The following DACH2 variants were observed in gnomAD, a reference collection of about 807,000 sequenced individuals.
DACH2 encodes the protein dachshund homolog 2.
A neutral mutation model predicts 35.8 loss-of-function variants in DACH2; 17 were observed. The ratio of observed to expected loss-of-function variants is 0.48; its 90% CI spans 0.33 to 0.71. The LOEUF is 0.71. Among genes scored for constraint, DACH2 ranks in the 30% least tolerant of loss-of-function variants. The probability of loss-of-function intolerance (pLI) is 0.02; values close to 1 mark genes in which losing one functional copy is unlikely to be tolerated. For synonymous variants in DACH2, 195 were observed against 177.3 expected (o/e 1.10, Z -0.79); for missense variants, 469 against 472.7 (o/e 0.99, Z 0.07).
At chrX:86,829,928 C>CTTT (rs1223820056) in intron 11 of DACH2, 1 of 111,435 alleles carries the variant, frequency 9.0e-6, no homozygotes, top group Non-Finnish European at 1.9e-5. Flanking sequence ...TCTTCCTGAT[C>CTTT]TTTAATCTTA....
At chrX:86,200,069 A>C in intron 1 of DACH2, among the ~76,000 whole-genome samples, 1 of 111,741 alleles carries the variant, frequency 8.9e-6, no homozygotes, top group Non-Finnish European at 1.9e-5. Context: ...AGTAACCAAA[A>C]CAGCATGGTA....
chrX:86,721,518 C>A (rs1331167323), intron 6 of DACH2, among the ~76,000 whole-genome samples: 1 of 111,671 alleles, frequency 9.0e-6, no homozygotes, highest in Non-Finnish European at 1.9e-5. Flanking sequence ...GTGCATATCA[C>A]TGTCAGCATT....
At chrX:86,434,475 C>T (rs989155340) in intron 2 of DACH2, among the ~76,000 whole-genome samples, 17 of 112,014 alleles carry the variant, frequency 1.5e-4, no homozygotes, top group Non-Finnish European at 3.2e-4. Context: ...CTTGATGGCT[C>T]ATTTCTCTTA....
chrX:86,446,434 TCCCTCCC>T (rs2037280362), intron 2 of DACH2, among the ~76,000 whole-genome samples: 1 of 61,146 alleles, frequency 1.6e-5, no homozygotes, highest in Admixed American at 2.0e-4. Context: ...CCCAATGCTA[TCCCTCCC>T]CCCTCCCCCG....
intron 1 of DACH2, among the ~76,000 whole-genome samples, chrX:86,289,778 C>T (rs375292210): frequency 3.7e-5 from 4 of 108,868 alleles, no homozygotes; most frequent in Admixed American, 9.8e-5. Context: ...TGCATAGTAT[C>T]CCATGGTGTA....
chrX:86,493,708 G>A (rs2038126504), intron 2 of DACH2, among the ~76,000 whole-genome samples: 1 of 111,676 alleles, frequency 9.0e-6, no homozygotes, highest in Non-Finnish European at 1.9e-5. Context: ...AAGACAGATG[G>A]TATATGTGAG....
At position 86,254,781 on chromosome X, in the gene DACH2, A is replaced by ATATATATATATATATATATAT. The variant is rs1556004270; in HGVS notation, c.488+105673_488+105674insTATATATATATATATATATAT. ...GTGTGGGGTGTTATTCAAATAAATAAATATATATATATATATATATATATA... is the reference window on the plus strand; with the variant it reads ...GTGTGGGGTGTTATTCAAATAAATAATATATATATATATATATATATATATATATATATATATATATATATA... On this transcript the variant is annotated intron_variant, in intron 1 of 11. Transcript: ENST00000373125. 2.2e-4 allele frequency among the ~76,000 whole-genome samples: 5 copies of ATATATATATATATATATATAT among 22,585 alleles called. 1 individual carries two copies. Among genetic ancestry groups the ATATATATATATATATATATAT allele is most frequent in the African/African-American group, 3.5e-4 (2 of 5,669 alleles). The allele number at this position is 22,585 out of a possible 115,157, so 19.6% of individuals were successfully genotyped here. A position where few individuals can be genotyped will look rare whatever the true frequency, so the allele number is the denominator to read the frequency against.
At chrX:86,814,228 G>A (rs2042423600) in intron 9 of DACH2, among the ~76,000 whole-genome samples, 1 of 112,221 alleles carries the variant, frequency 8.9e-6, no homozygotes, top group African/African-American at 3.2e-5. Context: ...GCCATTTTCA[G>A]TTTTAAAGAC....
At chrX:86,269,260 C>G (rs1406201663) in intron 1 of DACH2, among the ~76,000 whole-genome samples, 1 of 111,576 alleles carries the variant, frequency 9.0e-6, no homozygotes, top group Non-Finnish European at 1.9e-5. Flanking sequence ...CTTTCTGTGC[C>G]TGGCTTATTT....
chrX:86,452,696 G>T (rs891317658), intron 2 of DACH2, among the ~76,000 whole-genome samples: 3 of 110,857 alleles, frequency 2.7e-5, no homozygotes, highest in Non-Finnish European at 5.7e-5. Flanking sequence ...GATTGTGTTT[G>T]CTTCTTCTCT....
At chrX:86,790,554 G>T (rs2042177430) in intron 7 of DACH2, among the ~76,000 whole-genome samples, 1 of 111,717 alleles carries the variant, frequency 9.0e-6, no homozygotes, top group Admixed American at 9.5e-5. Flanking sequence ...TTGTTTATTT[G>T]TTTGTTTTAA....
intron 1 of DACH2, among the ~76,000 whole-genome samples, chrX:86,328,505 TA>T (rs1466407186): frequency 8.9e-6 from 1 of 112,129 alleles, no homozygotes; most frequent in Non-Finnish European, 1.9e-5. Context: ...TAACCATTAA[TA>T]TTTTTGAACT....
intron 1 of DACH2, among the ~76,000 whole-genome samples, chrX:86,183,124 C>T (rs1283757932): frequency 8.9e-6 from 1 of 111,811 alleles, no homozygotes; most frequent in African/African-American, 3.3e-5. Flanking sequence ...CATCTGCAAA[C>T]AGAGACAATT....
intron 2 of DACH2, among the ~76,000 whole-genome samples, chrX:86,460,190 A>G (rs1372601428): frequency 9.0e-6 from 1 of 111,139 alleles, no homozygotes; most frequent in Non-Finnish European, 1.9e-5. Flanking sequence ...GGAAGGTATA[A>G]CAATAATTTT....
At chrX:86,542,295 T>C (rs1434095257) in intron 3 of DACH2, among the ~76,000 whole-genome samples, 1 of 111,718 alleles carries the variant, frequency 9.0e-6, no homozygotes, top group Non-Finnish European at 1.9e-5. Flanking sequence ...TGGGGATTAC[T>C]GGGAGGTGTT....
At chrX:86,496,747 GGCAGGCCTCTCAA>G (rs2038177802) in intron 2 of DACH2, among the ~76,000 whole-genome samples, 2 of 110,134 alleles carry the variant, frequency 1.8e-5, no homozygotes, top group African/African-American at 6.6e-5. Context: ...GGAAGAGCAG[GGCAGGCCTCTCAA>G]GCAGAACCTA....
chrX:86,816,653 C>G (rs2042455674), intron 11 of DACH2, among the ~76,000 whole-genome samples: 2 of 111,432 alleles, frequency 1.8e-5, no homozygotes, highest in Non-Finnish European at 3.8e-5. Context: ...ATCACAATTG[C>G]TTACATCTTT....
At chrX:86,774,656 A>G (rs1200906404) in intron 7 of DACH2, among the ~76,000 whole-genome samples, 1 of 112,102 alleles carries the variant, frequency 8.9e-6, no homozygotes, top group East Asian at 2.8e-4. Flanking sequence ...GATCCTTTAC[A>G]TAGTGCTTTC....
intron 3 of DACH2, among the ~76,000 whole-genome samples, chrX:86,534,158 C>T (rs909540454): frequency 3.6e-5 from 4 of 111,603 alleles, no homozygotes; most frequent in African/African-American, 9.8e-5. Flanking sequence ...TATTCCATGA[C>T]GAAGTTAGGG....
Sources: allele counts gnomAD v4.1 joint callset (sites outside exome capture counted in the v4.1 genomes callset), GRCh38; gene constraint gnomAD v4.1.1; transcripts MANE v1.5; gene names NCBI Gene and HGNC (gene_info 2026-07-23, HGNC 2026-07-21).